The following FRMPD2 variants were observed in gnomAD, a reference collection of about 807,000 sequenced individuals.
FRMPD2 encodes the protein FERM and PDZ domain containing 2.
A neutral mutation model predicts 140.1 loss-of-function variants in FRMPD2; 96 were observed. The observed-to-expected ratio is 0.69, with a 90% CI of 0.58 to 0.81. FRMPD2 has a LOEUF of 0.81. FRMPD2 is among the 40% of genes least tolerant of loss of function. FRMPD2 has a pLI of 0.00. For synonymous variants in FRMPD2, 449 were observed against 547.6 expected, an observed-to-expected ratio of 0.82 and a Z score of 2.52; for missense variants, 1,240 against 1,447.4, an observed-to-expected ratio of 0.86 and a Z score of 2.32.
intron 15 of FRMPD2, among the ~76,000 whole-genome samples, chr10:48,196,436 C>T (rs10508899): frequency 0.064 from 9,747 of 152,282 alleles, 421 homozygotes; most frequent in Non-Finnish European, 0.091. Flanking sequence ...GACGTGCCTC[C>T]ATTTCAAGGA....
intron 4 of FRMPD2, among the ~76,000 whole-genome samples, chr10:48,243,647 T>G (rs1229413423): frequency 6.6e-6 from 1 of 152,044 alleles, no homozygotes; most frequent in Non-Finnish European, 1.5e-5. Context: ...AGGCTCCAGG[T>G]GTGTCTCACT....
chr10:48,245,377 T>C (rs574111456), intron 3 of FRMPD2, among the ~76,000 whole-genome samples: 4 of 152,214 alleles, frequency 2.6e-5, no homozygotes, highest in Non-Finnish European at 4.4e-5. Context: ...CCATTGTATT[T>C]TAGGCCTTCT....
intron 14 of FRMPD2, among the ~76,000 whole-genome samples, chr10:48,204,270 T>A (rs1409278087): frequency 6.6e-6 from 1 of 152,230 alleles, no homozygotes; most frequent in Non-Finnish European, 1.5e-5. Flanking sequence ...TATAATTGTG[T>A]ATACCGCATT....
At chr10:48,181,545 GC>G (rs1838547225) in intron 20 of FRMPD2, among the ~76,000 whole-genome samples, 1 of 152,038 alleles carries the variant, frequency 6.6e-6, no homozygotes, top group Non-Finnish European at 1.5e-5. Context: ...CTTTTGGGAG[GC>G]TTGGTAATAA....
chr10:48,183,750 G>T (rs1838606070), intron 20 of FRMPD2, among the ~76,000 whole-genome samples: 1 of 148,988 alleles, frequency 6.7e-6, no homozygotes, highest in Non-Finnish European at 1.5e-5. Flanking sequence ...TACTCAGGAG[G>T]CTGAGGCAGG....
chr10:48,223,606 A>C (rs1343457072), intron 10 of FRMPD2, among the ~76,000 whole-genome samples: 1 of 152,186 alleles, frequency 6.6e-6, no homozygotes, highest in East Asian at 1.9e-4. Context: ...AAGGAGTTTG[A>C]CTAAGTTTGT....
intron 22 of FRMPD2, 156 bp from the exon 23 acceptor site, chr10:48,176,095 T>C: frequency 1.6e-6 from 1 of 644,088 alleles, no homozygotes; most frequent in Non-Finnish European, 2.9e-6. Context: ...TTCGTTTAGA[T>C]TGTATTCTCC....
Position 48,215,756 on chromosome 10 carries a change from G to T in FRMPD2, c.1456-3647C>A, listed in dbSNP as rs1019745666. Among the ~76,000 whole-genome samples the T allele has an allele frequency of 1.6e-4, 25 of 152,188 alleles. 1 individual carries two copies. Among genetic ancestry groups the T allele is most frequent in the Non-Finnish European group, 1.3e-4 (9 of 68,024 alleles). On this transcript the variant is annotated intron_variant, in intron 12 of 28. Transcript: ENST00000374201. ...CAGAAGGAGAATGAGATGACACTAA[G>T]CCAGAAGCAGGGTGAGATCAGTCAG...
intron 10 of FRMPD2, among the ~76,000 whole-genome samples, chr10:48,230,815 C>T (rs1470756510): frequency 6.6e-6 from 1 of 152,160 alleles, no homozygotes; most frequent in Non-Finnish European, 1.5e-5. Flanking sequence ...GTTCCTAAAG[C>T]CCTATAAACT....
intron 15 of FRMPD2, among the ~76,000 whole-genome samples, chr10:48,193,151 C>G (rs775149790): frequency 1.7e-4 from 26 of 152,204 alleles, no homozygotes; most frequent in Non-Finnish European, 2.8e-4. Flanking sequence ...GACGCAGAGC[C>G]AAAGAGCCTG....
chr10:48,260,434 G>A (rs996233387), intron 1 of FRMPD2, among the ~76,000 whole-genome samples: 1 of 152,098 alleles, frequency 6.6e-6, no homozygotes, highest in Non-Finnish European at 1.5e-5. Context: ...AAAGGGATGA[G>A]TGTCTCCTTC....
chr10:48,208,044 G>A (rs1362201507), intron 13 of FRMPD2, among the ~76,000 whole-genome samples: 1 of 151,284 alleles, frequency 6.6e-6, no homozygotes, highest in Non-Finnish European at 1.5e-5. Flanking sequence ...TGTCATCATC[G>A]TCATCATCAT....
intron 1 of FRMPD2, among the ~76,000 whole-genome samples, chr10:48,271,189 C>A (rs1401363618): frequency 6.6e-6 from 1 of 152,156 alleles, no homozygotes; most frequent in African/African-American, 2.4e-5. Flanking sequence ...CTTAGACGCA[C>A]CACAACCCCC....
chr10:48,236,654 A>T (rs532823868), intron 8 of FRMPD2, 101 bp from the exon 9 acceptor site: 1 of 1,078,078 alleles, frequency 9.3e-7, no homozygotes, highest in Non-Finnish European at 1.4e-6. Flanking sequence ...ACCAGCATAC[A>T]TTCCCCAGAG....
intron 1 of FRMPD2, among the ~76,000 whole-genome samples, chr10:48,253,365 G>C (rs1052099970): frequency 6.6e-6 from 1 of 152,148 alleles, no homozygotes; most frequent in Non-Finnish European, 1.5e-5. Context: ...GAAAATGGGA[G>C]AAAATATTTA....
chr10:48,219,915 C>T (rs533983335), intron 12 of FRMPD2, among the ~76,000 whole-genome samples: 11 of 152,288 alleles, frequency 7.2e-5, no homozygotes, highest in East Asian at 3.9e-4. Flanking sequence ...TGGAGTAACA[C>T]GTCTGGGCTC....
intron 12 of FRMPD2, among the ~76,000 whole-genome samples, chr10:48,219,630 A>C (rs1434419787): frequency 6.6e-6 from 1 of 152,234 alleles, no homozygotes; most frequent in Admixed American, 6.5e-5. Flanking sequence ...ATAACAGCTC[A>C]AGTGGTTGGT....
At chr10:48,196,630 C>T (rs1461084738) in intron 15 of FRMPD2, among the ~76,000 whole-genome samples, 1 of 152,136 alleles carries the variant, frequency 6.6e-6, no homozygotes, top group African/African-American at 2.4e-5. Context: ...AGATCAATTA[C>T]GGATGCCCTG....
At chr10:48,240,241 G>T in intron 6 of FRMPD2, 119 bp downstream of exon 6, 1 of 1,122,166 alleles carries the variant, frequency 8.9e-7, no homozygotes, top group Non-Finnish European at 1.3e-6. Context: ...TCCTGAAAGA[G>T]TGGCACTTAC....
Sources: allele counts gnomAD v4.1 joint callset (sites outside exome capture counted in the v4.1 genomes callset), GRCh38; gene constraint gnomAD v4.1.1; transcripts MANE v1.5; gene names NCBI Gene and HGNC (gene_info 2026-07-23, HGNC 2026-07-21).